The following PDE10A variants were observed in gnomAD, a reference collection of about 807,000 sequenced individuals.
PDE10A encodes the protein phosphodiesterase 10A.
PDE10A carries 39 observed loss-of-function variants against 97.7 expected under a neutral mutation model. The observed-to-expected ratio is 0.40, with a 90% CI of 0.31 to 0.52. PDE10A has a LOEUF of 0.52. Ranked by LOEUF, PDE10A falls within the 20% of genes least tolerant of loss-of-function variation. The probability of loss-of-function intolerance (pLI) is 0.56; values close to 1 mark genes in which losing one functional copy is unlikely to be tolerated. For synonymous variants in PDE10A, 371 were observed against 376.8 expected, an observed-to-expected ratio of 0.98 and a Z score of 0.18; for missense variants, 731 against 1,047.8, an observed-to-expected ratio of 0.70 and a Z score of 4.17.
intron 18 of PDE10A, among the ~76,000 whole-genome samples, chr6:165,367,239 ATATG>A (rs1345924247): frequency 3.9e-5 from 4 of 102,124 alleles, no homozygotes; most frequent in East Asian, 2.4e-4. Context: ...ACACACACAC[ATATG>A]TGTGTGTGTG....
chr6:165,568,773 G>A (rs568000919), intron 1 of PDE10A, among the ~76,000 whole-genome samples: 10 of 152,312 alleles, frequency 6.6e-5, no homozygotes, highest in African/African-American at 2.4e-4. Context: ...ACAAAGGTAT[G>A]CTGAGCTTGC....
At chr6:165,832,997 C>T (rs1396150891) in intron 1 of PDE10A, among the ~76,000 whole-genome samples, 1 of 152,198 alleles carries the variant, frequency 6.6e-6, no homozygotes, top group Middle Eastern at 3.2e-3. Context: ...CCTGTGTGAG[C>T]TATTCTGAGC....
chr6:165,570,113 A>G (rs940879080), intron 1 of PDE10A, among the ~76,000 whole-genome samples: 20 of 152,230 alleles, frequency 1.3e-4, no homozygotes, highest in Non-Finnish European at 2.4e-4. Context: ...GAAGATGATT[A>G]AGTAAAATGA....
At chr6:165,701,699 GCA>G (rs1440813327) in intron 1 of PDE10A, among the ~76,000 whole-genome samples, 8 of 151,452 alleles carry the variant, frequency 5.3e-5, no homozygotes, top group Non-Finnish European at 1.2e-4. Context: ...AAGTGTGTTT[GCA>G]TGTGTGCATG....
chr6:165,619,534 CTAATG>C (rs1562635195), intron 1 of PDE10A, among the ~76,000 whole-genome samples: 174 of 5,550 alleles, frequency 0.031, 10 homozygotes, highest in African/African-American at 0.11. Flanking sequence ...GTAGTGTAGT[CTAATG>C]TAGTGTAGTG....
intron 1 of PDE10A, among the ~76,000 whole-genome samples, chr6:165,977,179 G>A (rs1174831667): frequency 1.3e-5 from 2 of 152,182 alleles, no homozygotes; most frequent in Non-Finnish European, 2.9e-5. Context: ...ATGTCATTAT[G>A]CCACATTGAT....
Position 165,534,764 on chromosome 6 carries a change from C to A in PDE10A, c.994+8676G>T, listed in dbSNP as rs147806874. Among the ~76,000 whole-genome samples the A allele has an allele frequency of 5.1e-3, 771 of 152,068 alleles. 10 individuals are homozygous for A. The highest frequency in any genetic ancestry group is 0.017 in the African/African-American group (725 of 41,512). On this transcript the variant is annotated intron_variant, in intron 2 of 21. Transcript: ENST00000539869. ...ATTCAACATTCCTTTATGATAAAAA[C>A]GCTCAGCAAACTGGCTATAGAAGAA...
At chr6:165,685,252 G>T (rs929439112) in intron 1 of PDE10A, among the ~76,000 whole-genome samples, 3 of 152,042 alleles carry the variant, frequency 2.0e-5, no homozygotes, top group Non-Finnish European at 2.9e-5. Flanking sequence ...ACTCATGGGT[G>T]CCTATTAACA....
intron 1 of PDE10A, among the ~76,000 whole-genome samples, chr6:165,779,511 C>T (rs1043828944): frequency 6.6e-6 from 1 of 152,182 alleles, no homozygotes; most frequent in African/African-American, 2.4e-5. Context: ...GCCAAGCGGC[C>T]GTACTCTGCT....
intron 1 of PDE10A, among the ~76,000 whole-genome samples, chr6:165,721,179 A>C (rs1435956558): frequency 6.6e-6 from 1 of 152,150 alleles, no homozygotes; most frequent in African/African-American, 2.4e-5. Flanking sequence ...GTGGGGAGTA[A>C]AACCAGGCCA....
chr6:165,758,360 C>A (rs910345202), intron 1 of PDE10A, among the ~76,000 whole-genome samples: 4 of 152,048 alleles, frequency 2.6e-5, no homozygotes, highest in Non-Finnish European at 5.9e-5. Context: ...ACTTGGGAGG[C>A]TGAGGCAGGA....
At chr6:165,472,333 C>T (rs528699216) in intron 3 of PDE10A, among the ~76,000 whole-genome samples, 1 of 152,076 alleles carries the variant, frequency 6.6e-6, no homozygotes, top group South Asian at 2.1e-4. Context: ...TTAATATTCC[C>T]TTTCTCATTC....
chr6:165,411,003 C>A (rs1358744648), intron 13 of PDE10A, among the ~76,000 whole-genome samples: 2 of 87,766 alleles, frequency 2.3e-5, no homozygotes, highest in Admixed American at 1.3e-4. Context: ...AGGAGAATGG[C>A]GTGAACCCGG....
intron 1 of PDE10A, among the ~76,000 whole-genome samples, chr6:165,683,921 C>A (rs764352818): frequency 6.6e-6 from 1 of 152,218 alleles, no homozygotes; most frequent in Non-Finnish European, 1.5e-5. Context: ...TCTGGCCACA[C>A]CACCTCCTGG....
At position 165,662,020 on chromosome 6, in the gene PDE10A, G is replaced by A; in HGVS notation, c.792C>T (p.Gly264=). 2.7e-6 allele frequency: 4 copies of A among 1,504,276 alleles called. No individual in the cohort carries two copies. Among genetic ancestry groups the A allele is most frequent in the African/African-American group, 1.4e-5 (1 of 69,842 alleles). 93.2% of individuals were successfully genotyped at this position (1,504,276 alleles called of 1,614,324 possible). The change falls in exon 1 of 22, where the codon GGC becomes GGT. Residue 264 remains glycine (G), a synonymous_variant. Coordinates refer to ENST00000539869, the MANE Select transcript of PDE10A (RefSeq NM_001385079.1). ...TAGAAGGTCCATCTTCCATGTCGGA[G>A]CCGAAGAGCAGCGCGGCCGCGGCGG... The part of the protein sequence containing the change: ...ALAAAAALLF[G]SDMEDGPSNN...
intron 1 of PDE10A, among the ~76,000 whole-genome samples, chr6:165,840,755 A>G (rs558673356): frequency 6.6e-6 from 1 of 152,348 alleles, no homozygotes; most frequent in Admixed American, 6.5e-5. Flanking sequence ...TTTTTAGTAA[A>G]AGATAAAGTA....
At chr6:165,814,932 A>G (rs1291585019) in intron 1 of PDE10A, among the ~76,000 whole-genome samples, 1 of 152,108 alleles carries the variant, frequency 6.6e-6, no homozygotes, top group Admixed American at 6.5e-5. Flanking sequence ...ATTTATCCCC[A>G]GATGATCCCT....
chr6:165,674,101 C>A (rs1434259612), intron 1 of PDE10A, among the ~76,000 whole-genome samples: 2 of 152,134 alleles, frequency 1.3e-5, no homozygotes, highest in Non-Finnish European at 2.9e-5. Flanking sequence ...AGCCTTTGTT[C>A]TAGAGACTCA....
At chr6:165,538,418 T>C (rs917046312) in intron 2 of PDE10A, among the ~76,000 whole-genome samples, 1 of 152,144 alleles carries the variant, frequency 6.6e-6, no homozygotes, top group Non-Finnish European at 1.5e-5. Flanking sequence ...AAAGGTGGCA[T>C]TCTACTTACA....
Sources: gnomAD v4.1 joint callset for allele counts (sites outside exome capture counted in the v4.1 genomes callset) on GRCh38, gnomAD v4.1.1 for gene constraint, MANE v1.5 for transcripts, NCBI Gene and HGNC (gene_info 2026-07-23, HGNC 2026-07-21) for gene names.